Variants in TCF12 observed in about 807,000 individuals in gnomAD.
The protein encoded by TCF12 is transcription factor 12.
Under a neutral mutation model 86.0 loss-of-function variants are expected in TCF12, and 45 were observed. That is an observed-to-expected ratio of 0.52 (90% CI 0.41 to 0.67). The LOEUF (loss-of-function observed/expected upper bound fraction) is 0.67, where lower values mean the gene tolerates loss of function less well. Ranked by LOEUF, TCF12 falls within the 30% of genes least tolerant of loss-of-function variation. The probability of loss-of-function intolerance (pLI) is 0.00; values close to 1 mark genes in which losing one functional copy is unlikely to be tolerated. For synonymous variants in TCF12, 330 were observed against 299.6 expected (o/e 1.10, Z -1.05); for missense variants, 881 against 859.9 (o/e 1.02, Z -0.31).
intron 19 of TCF12, among the ~76,000 whole-genome samples, chr15:57,281,250 G>A (rs1463427858): frequency 6.6e-6 from 1 of 152,140 alleles, no homozygotes; most frequent in Admixed American, 6.5e-5. Context: ...GAAAATGCCC[G>A]TGTCACAGAT....
At chr15:57,075,835 T>TCTC (rs778545170) in intron 4 of TCF12, among the ~76,000 whole-genome samples, 5 of 50,002 alleles carry the variant, frequency 1.0e-4, no homozygotes, top group Non-Finnish European at 1.4e-4. Flanking sequence ...TCTCTCTCTC[T>TCTC]TTTCTTTCTT....
intron 6 of TCF12, among the ~76,000 whole-genome samples, chr15:57,186,566 A>C (rs189934125): frequency 2.6e-5 from 4 of 152,228 alleles, no homozygotes; most frequent in Non-Finnish European, 5.9e-5. Flanking sequence ...TAAAGAAGAA[A>C]TAATGCCAGT....
intron 3 of TCF12, among the ~76,000 whole-genome samples, chr15:57,009,675 A>G (rs1354382725): frequency 6.6e-6 from 1 of 152,222 alleles, no homozygotes; most frequent in Admixed American, 6.5e-5. Flanking sequence ...CTGAAAAAAT[A>G]TCAGGATTAT....
intron 3 of TCF12, among the ~76,000 whole-genome samples, chr15:57,017,439 G>C (rs1870043333): frequency 6.6e-6 from 1 of 152,168 alleles, no homozygotes; most frequent in South Asian, 2.1e-4. Flanking sequence ...GCCTATCATT[G>C]CTTTTGCACT....
chr15:57,243,447 T>G, intron 12 of TCF12, 25 bp from the exon 13 acceptor site: 1 of 1,591,818 alleles, frequency 6.3e-7, no homozygotes, highest in African/African-American at 1.3e-5. Flanking sequence ...TGTTGATACA[T>G]GTATATTTCT....
chr15:57,236,872 G>C (rs1475543952), intron 12 of TCF12, among the ~76,000 whole-genome samples: 1 of 151,720 alleles, frequency 6.6e-6, no homozygotes, highest in African/African-American at 2.4e-5. Context: ...AGGGTAGATA[G>C]AAGGAAAGGA....
At chr15:57,290,256 T>A (rs1744261370), downstream of TCF12, among the ~76,000 whole-genome samples, 1 of 149,198 alleles carries the variant, frequency 6.7e-6, no homozygotes, top group African/African-American at 2.5e-5. Flanking sequence ...GGCAGGAGAA[T>A]CACTTGAACC....
chr15:56,984,014 A>AAAAAG (rs777234282), intron 3 of TCF12, among the ~76,000 whole-genome samples: 13 of 104,450 alleles, frequency 1.2e-4, no homozygotes, highest in African/African-American at 3.6e-4. Flanking sequence ...AAAAAAAAAA[A>AAAAAG]AAGAAGAAGA....
chr15:57,229,862 T>C (rs150973407), intron 8 of TCF12, among the ~76,000 whole-genome samples: 11 of 152,006 alleles, frequency 7.2e-5, no homozygotes, highest in African/African-American at 2.6e-4. Flanking sequence ...TTAGGGTAAT[T>C]TGCAAGGGGT....
At chr15:57,168,593 T>C (rs1323650966) in intron 6 of TCF12, among the ~76,000 whole-genome samples, 1 of 152,204 alleles carries the variant, frequency 6.6e-6, no homozygotes, top group Non-Finnish European at 1.5e-5. Context: ...CAAGTTACTG[T>C]TTGAATTTCA....
chr15:57,213,921 T>C (rs1325627568), intron 8 of TCF12, among the ~76,000 whole-genome samples: 1 of 152,254 alleles, frequency 6.6e-6, no homozygotes, highest in East Asian at 1.9e-4. Context: ...TTAAGGAATT[T>C]AAAAACCTGA....
chr15:56,934,778 T>C (rs1208437932), intron 3 of TCF12, among the ~76,000 whole-genome samples: 1 of 152,176 alleles, frequency 6.6e-6, no homozygotes, highest in Non-Finnish European at 1.5e-5. Flanking sequence ...TGGAACCCAG[T>C]GCCGGTAGAG....
rs367750674 is a variant in TCF12, at chr15:57,221,810, T to A, written c.580-9342T>A. ...AGTTATTAGAAGTCATTGGCAACATTATTATTTTGTGATGACTTCAGTTTT... is the reference window on the plus strand; with the variant it reads ...AGTTATTAGAAGTCATTGGCAACATAATTATTTTGTGATGACTTCAGTTTT... On this transcript the variant is annotated intron_variant, in intron 8 of 20. Transcript: ENST00000333725. Among the ~76,000 whole-genome samples the A allele has an allele frequency of 2.2e-3, 331 of 152,236 alleles. 2 individuals carry two copies. The highest frequency in any genetic ancestry group is 7.5e-3 in the African/African-American group (313 of 41,550).
At chr15:57,139,832 T>C (rs2052827061) in intron 5 of TCF12, among the ~76,000 whole-genome samples, 1 of 152,190 alleles carries the variant, frequency 6.6e-6, no homozygotes, top group African/African-American at 2.4e-5. Flanking sequence ...ATAATCTCCC[T>C]ATAGAAGATC....
In TCF12 at chr15:56,966,076, A is replaced by G. The variant is rs77492049; in HGVS notation, c.148+44978A>G. 3.3e-5 allele frequency among the ~76,000 whole-genome samples: 5 copies of G among 152,026 alleles called. No homozygotes were observed. In the East Asian group the frequency reaches 9.6e-4, roughly 29 times the overall value. On this transcript the variant is annotated intron_variant, in intron 3 of 20. Transcript: ENST00000333725. ...GTGATAATTTATAGTCTTATGATGAAGGTTGAAAGGAATGTTTGATTATAT... is the reference window on the plus strand; with the variant it reads ...GTGATAATTTATAGTCTTATGATGAGGGTTGAAAGGAATGTTTGATTATAT...
At chr15:57,227,033 A>T (rs1401720633) in intron 8 of TCF12, among the ~76,000 whole-genome samples, 1 of 152,076 alleles carries the variant, frequency 6.6e-6, no homozygotes, top group Non-Finnish European at 1.5e-5. Flanking sequence ...CTCAATTAGG[A>T]TATATAGCTA....
chr15:57,213,874 G>A (rs1346001752), intron 8 of TCF12, among the ~76,000 whole-genome samples: 2 of 152,124 alleles, frequency 1.3e-5, no homozygotes, highest in Non-Finnish European at 2.9e-5. Context: ...GCAAAGCCTT[G>A]TGTCAGTCTT....
chr15:57,044,628 G>A (rs752666965), intron 3 of TCF12, among the ~76,000 whole-genome samples: 5 of 150,374 alleles, frequency 3.3e-5, no homozygotes, highest in African/African-American at 1.2e-4. Context: ...GCTTTTACCC[G>A]TTTTTCTGGT....
intron 4 of TCF12, among the ~76,000 whole-genome samples, chr15:57,075,118 G>C (rs1464312882): frequency 6.6e-6 from 1 of 152,174 alleles, no homozygotes; most frequent in Non-Finnish European, 1.5e-5. Context: ...GCATATTCTG[G>C]TGGTTAGGAC....
Sources: allele counts gnomAD v4.1 joint callset (sites outside exome capture counted in the v4.1 genomes callset), GRCh38; gene constraint gnomAD v4.1.1; transcripts MANE v1.5; gene names NCBI Gene and HGNC (gene_info 2026-07-23, HGNC 2026-07-21).